The following SNCAIP variants were observed in gnomAD, a reference collection of about 807,000 sequenced individuals.
The protein encoded by SNCAIP is synuclein alpha interacting protein, also known as synphilin-1.
SNCAIP carries 43 observed loss-of-function variants against 86.7 expected under a neutral mutation model. The observed-to-expected ratio is 0.50, with a 90% CI of 0.39 to 0.64. The LOEUF (loss-of-function observed/expected upper bound fraction) is 0.64. Ranked by LOEUF, SNCAIP falls within the 30% of genes least tolerant of loss-of-function variation. The probability of loss-of-function intolerance (pLI) is 0.00; values close to 1 mark genes in which losing one functional copy is unlikely to be tolerated. For synonymous variants in SNCAIP, 417 were observed against 427.2 expected (o/e 0.98, Z 0.29); for missense variants, 981 against 1,103.1 (o/e 0.89, Z 1.57).
At chr5:122,416,835 A>G (rs564298870) in intron 3 of SNCAIP, among the ~76,000 whole-genome samples, 30 of 152,254 alleles carry the variant, frequency 2.0e-4, no homozygotes, top group African/African-American at 6.5e-4. Context: ...AAAGAAATGG[A>G]ATGTTGGAGA....
chr5:122,322,377 A>C (rs550736668), intron 1 of SNCAIP, among the ~76,000 whole-genome samples: 1 of 152,252 alleles, frequency 6.6e-6, no homozygotes, highest in South Asian at 2.1e-4. Flanking sequence ...AAATAAATTC[A>C]AAGTTTGAAA....
Position 122,450,961 on chromosome 5 carries a change from T to C in SNCAIP, c.2114T>C (p.Val705Ala). Residue 705 changes from valine to alanine, a missense_variant, in exon 10 of 11, where the codon GTA becomes GCA. Physicochemically the swap from Val to Ala is moderately conservative, Grantham distance 64 (BLOSUM62 0). Transcript: ENST00000261368. ...KADRPRPQPI[V>A]ESVESMDSAE... ...GACCGACCAAGGCCGCAGCCCATTG[T>C]AGAAAGCGTAGAGAGTATGGACAGC... 1 of 1,614,080 alleles carries C rather than the reference T, an allele frequency of 6.2e-7. No homozygotes were observed. Among genetic ancestry groups the C allele is most frequent in the Non-Finnish European group, 8.5e-7 (1 of 1,180,010 alleles).
chr5:122,401,431 C>G (rs1164201806), intron 2 of SNCAIP, among the ~76,000 whole-genome samples: 1 of 152,156 alleles, frequency 6.6e-6, no homozygotes, highest in African/African-American at 2.4e-5. Flanking sequence ...AACAGATCCA[C>G]AAATTGATTT....
At chr5:122,444,845 T>G in intron 8 of SNCAIP, 113 bp downstream of exon 8, 98 of 866,096 alleles carry the variant, frequency 1.1e-4, no homozygotes, top group Non-Finnish European at 1.6e-4. Context: ...AGGGAATTCC[T>G]AGCATTCTCC....
intron 10 of SNCAIP, among the ~76,000 whole-genome samples, chr5:122,461,710 G>C (rs1442823887): frequency 1.6e-5 from 2 of 124,696 alleles, no homozygotes; most frequent in Non-Finnish European, 3.2e-5. Context: ...ACAGAGTCTT[G>C]CTCTGTCACC....
chr5:122,434,128 C>G (rs1242419497), intron 6 of SNCAIP, among the ~76,000 whole-genome samples: 1 of 152,170 alleles, frequency 6.6e-6, no homozygotes, highest in Non-Finnish European at 1.5e-5. Context: ...CACTGTTCAT[C>G]TTCCTAATCA....
intron 1 of SNCAIP, among the ~76,000 whole-genome samples, chr5:122,359,412 G>A (rs927327230): frequency 7.5e-5 from 11 of 147,482 alleles, no homozygotes; most frequent in African/African-American, 2.8e-4. Flanking sequence ...CGCTCAGGCT[G>A]GAGTTCAGTG....
chr5:122,433,755 T>C (rs1213611086), intron 6 of SNCAIP, among the ~76,000 whole-genome samples: 2 of 152,228 alleles, frequency 1.3e-5, no homozygotes, highest in African/African-American at 4.8e-5. Context: ...ATTTTTTGCT[T>C]ATGCAGACGC....
chr5:122,448,581 T>TTTATATATATTTTTATATATA (rs555977074), intron 8 of SNCAIP, among the ~76,000 whole-genome samples: 7 of 142,426 alleles, frequency 4.9e-5, no homozygotes, highest in South Asian at 4.3e-4. Flanking sequence ...CCTTCCATAT[T>TTTATATATATTTTTATATATA]TTATATATAT....
In SNCAIP at chr5:122,379,755, G is replaced by A. The variant is rs1315317898; in HGVS notation, c.-46-11334G>A. ...TTGAGAGTTTTTAGCATGAAGGGTT[G>A]TTGAATTTTGTCAAAGGCTTTTTCT... On this transcript the variant is annotated intron_variant, in intron 1 of 10. Transcript: ENST00000261368. Among the ~76,000 whole-genome samples, 5 of 148,380 alleles carry A rather than the reference G, an allele frequency of 3.4e-5. No homozygotes were observed. The South Asian group carries it at 8.6e-4, about 26-fold the overall frequency.
At chr5:122,334,164 G>C (rs13359847) in intron 1 of SNCAIP, among the ~76,000 whole-genome samples, 1 of 151,864 alleles carries the variant, frequency 6.6e-6, no homozygotes, top group African/African-American at 2.4e-5. Flanking sequence ...TAGCACTTAC[G>C]TAGCATATAC....
chr5:122,365,219 C>T (rs1762936667), intron 1 of SNCAIP, among the ~76,000 whole-genome samples: 1 of 152,094 alleles, frequency 6.6e-6, no homozygotes, highest in Non-Finnish European at 1.5e-5. Context: ...CCTTATTAAT[C>T]GTGACCAATT....
intron 6 of SNCAIP, among the ~76,000 whole-genome samples, chr5:122,433,069 C>T (rs1057115167): frequency 2.7e-5 from 4 of 150,874 alleles, no homozygotes; most frequent in South Asian, 2.1e-4. Flanking sequence ...TAGTGGGAGT[C>T]ATGCTTAGGG....
intron 1 of SNCAIP, among the ~76,000 whole-genome samples, chr5:122,361,662 A>G (rs932754514): frequency 1.3e-5 from 2 of 152,050 alleles, no homozygotes; most frequent in Admixed American, 6.6e-5. Flanking sequence ...TGCTGTGTGG[A>G]GTTACTGTCA....
intron 1 of SNCAIP, among the ~76,000 whole-genome samples, chr5:122,378,934 T>C (rs1159710600): frequency 7.0e-6 from 1 of 142,898 alleles, no homozygotes; most frequent in Admixed American, 6.8e-5. Context: ...GCTGTTTTGG[T>C]ACTGTAGCCT....
intron 2 of SNCAIP, among the ~76,000 whole-genome samples, chr5:122,399,748 C>T (rs1051086708): frequency 2.6e-5 from 4 of 152,042 alleles, no homozygotes; most frequent in African/African-American, 9.7e-5. Flanking sequence ...ATAGATGAAC[C>T]ATCCTATGAT....
chr5:122,422,716 T>A (rs1000776702), intron 3 of SNCAIP, 152 bp from the exon 4 acceptor site: 1 of 618,416 alleles, frequency 1.6e-6, no homozygotes, highest in Admixed American at 2.8e-5. Context: ...GTAAGTATGA[T>A]TTTTTTTGTT....
At chr5:122,350,395 T>C (rs1759510266) in intron 1 of SNCAIP, among the ~76,000 whole-genome samples, 1 of 152,180 alleles carries the variant, frequency 6.6e-6, no homozygotes, top group South Asian at 2.1e-4. Flanking sequence ...ATTATTATTT[T>C]ATTTCAGTAT....
At chr5:122,342,200 C>T (rs1757731001) in intron 1 of SNCAIP, among the ~76,000 whole-genome samples, 1 of 152,068 alleles carries the variant, frequency 6.6e-6, no homozygotes, top group South Asian at 2.1e-4. Flanking sequence ...TACTCTTCTC[C>T]TCAATGGCCT....
Sources: allele counts gnomAD v4.1 joint callset (sites outside exome capture counted in the v4.1 genomes callset), GRCh38; gene constraint gnomAD v4.1.1; transcripts MANE v1.5; gene names NCBI Gene and HGNC (gene_info 2026-07-23, HGNC 2026-07-21).